SCFD2: variants seen among roughly 807,000 people sequenced by gnomAD.
SCFD2 encodes the protein sec1 family domain containing 2, also known as sec1 family domain-containing protein 2.
A neutral mutation model predicts 58.9 loss-of-function variants in SCFD2; 54 were observed. The ratio of observed to expected loss-of-function variants is 0.92; its 90% CI spans 0.74 to 1.15. SCFD2 has a LOEUF of 1.15. SCFD2 is among the 50% of genes most tolerant of loss of function. SCFD2 has a pLI of 0.00. For synonymous variants in SCFD2, 321 were observed against 335.9 expected (o/e 0.96, Z 0.49); for missense variants, 805 against 836.6 (o/e 0.96, Z 0.47).
At chr4:53,316,177 T>A (rs1560443701) in intron 2 of SCFD2, among the ~76,000 whole-genome samples, 1 of 152,244 alleles carries the variant, frequency 6.6e-6, no homozygotes, top group Non-Finnish European at 1.5e-5. Flanking sequence ...TTTACTGTTC[T>A]ACATAATTCT....
intron 4 of SCFD2, among the ~76,000 whole-genome samples, chr4:53,230,245 C>G (rs945360803): frequency 3.3e-5 from 5 of 152,104 alleles, no homozygotes; most frequent in African/African-American, 1.2e-4. Context: ...CTAGAAATAC[C>G]ATTTGACCTA....
chr4:53,340,708 C>A (rs543599354), intron 2 of SCFD2, among the ~76,000 whole-genome samples: 1 of 152,308 alleles, frequency 6.6e-6, no homozygotes, highest in South Asian at 2.1e-4. Flanking sequence ...TGAGGCAATT[C>A]CCAATAGGGG....
intron 4 of SCFD2, among the ~76,000 whole-genome samples, chr4:53,203,116 G>A (rs1728301613): frequency 6.6e-6 from 1 of 152,162 alleles, no homozygotes; most frequent in African/African-American, 2.4e-5. Context: ...GTTTTCAAAG[G>A]GAATGCTTCC....
At chr4:53,170,882 C>A (rs1727159351) in intron 4 of SCFD2, among the ~76,000 whole-genome samples, 1 of 152,080 alleles carries the variant, frequency 6.6e-6, no homozygotes, top group African/African-American at 2.4e-5. Flanking sequence ...GATTTTGTAA[C>A]CTGCAACTTT....
chr4:53,224,223 T>G (rs1170086058), intron 4 of SCFD2, among the ~76,000 whole-genome samples: 1 of 151,980 alleles, frequency 6.6e-6, no homozygotes, highest in Admixed American at 6.5e-5. Context: ...ACCCCATGTC[T>G]ACTAAAAATA....
intron 3 of SCFD2, among the ~76,000 whole-genome samples, chr4:53,277,046 G>A (rs577122080): frequency 2.6e-5 from 4 of 152,204 alleles, no homozygotes; most frequent in Non-Finnish European, 4.4e-5. Context: ...AGTTGTGAGT[G>A]TCATTCACTT....
At chr4:52,926,897 T>G (rs546940170) in intron 5 of SCFD2, among the ~76,000 whole-genome samples, 49 of 152,238 alleles carry the variant, frequency 3.2e-4, no homozygotes, top group South Asian at 6.2e-4. Flanking sequence ...TTCAAATGAT[T>G]GTTTTTAAAA....
chr4:53,335,940 T>C (rs1243971958), intron 2 of SCFD2, among the ~76,000 whole-genome samples: 3 of 152,182 alleles, frequency 2.0e-5, no homozygotes, highest in Non-Finnish European at 4.4e-5. Flanking sequence ...AAAAATGCTC[T>C]GAGTAATCTC....
intron 5 of SCFD2, among the ~76,000 whole-genome samples, chr4:52,992,415 A>G (rs2148795303): frequency 6.6e-6 from 1 of 152,292 alleles, no homozygotes; most frequent in Non-Finnish European, 1.5e-5. Context: ...GGCCTCCCAA[A>G]GTGCCGAGAT....
intron 5 of SCFD2, among the ~76,000 whole-genome samples, chr4:53,129,375 G>A (rs534376711): frequency 6.6e-6 from 1 of 152,332 alleles, no homozygotes; most frequent in South Asian, 2.1e-4. Context: ...AGCAACACAT[G>A]AAGGCCTAAA....
At chr4:53,255,336 T>G (rs1010571117) in intron 4 of SCFD2, among the ~76,000 whole-genome samples, 2 of 151,988 alleles carry the variant, frequency 1.3e-5, no homozygotes, top group African/African-American at 4.8e-5. Flanking sequence ...GGTCTCTGGT[T>G]TTCCTAGGCA....
chr4:53,113,272 G>A (rs1389938449), intron 5 of SCFD2, among the ~76,000 whole-genome samples: 1 of 152,050 alleles, frequency 6.6e-6, no homozygotes, highest in Non-Finnish European at 1.5e-5. Flanking sequence ...GCCCCTGTAA[G>A]TTAGGAAGGA....
chr4:52,973,608 C>T (rs1398695523), intron 5 of SCFD2, among the ~76,000 whole-genome samples: 6 of 152,178 alleles, frequency 3.9e-5, no homozygotes, highest in African/African-American at 1.4e-4. Flanking sequence ...GAGCTGGTAC[C>T]ATTCCTTCTG....
intron 4 of SCFD2, among the ~76,000 whole-genome samples, chr4:53,263,205 C>T (rs746147786): frequency 6.6e-6 from 1 of 152,046 alleles, no homozygotes; most frequent in Non-Finnish European, 1.5e-5. Flanking sequence ...CTTTCTCTGG[C>T]GTCTCCTTGA....
chr4:53,035,950 A>G (rs571416086), intron 5 of SCFD2, among the ~76,000 whole-genome samples: 1 of 152,140 alleles, frequency 6.6e-6, no homozygotes, highest in Non-Finnish European at 1.5e-5. Context: ...TAGAAATACC[A>G]TTGACCCAGC....
At chr4:53,044,950 G>A in intron 5 of SCFD2, among the ~76,000 whole-genome samples, 1 of 140,058 alleles carries the variant, frequency 7.1e-6, no homozygotes. Flanking sequence ...AGTCTGGGGT[G>A]AGCCGTGGTA....
chr4:52,917,415 T>C (rs1478889621), intron 6 of SCFD2, among the ~76,000 whole-genome samples: 1 of 152,168 alleles, frequency 6.6e-6, no homozygotes, highest in East Asian at 1.9e-4. Flanking sequence ...TCCTCTGTGC[T>C]AAGTTCTCTC....
intron 4 of SCFD2, among the ~76,000 whole-genome samples, chr4:53,201,941 G>A (rs1172214781): frequency 2.6e-5 from 4 of 152,238 alleles, no homozygotes; most frequent in South Asian, 2.1e-4. Flanking sequence ...TGTCAGATGA[G>A]TAGGTTGCAA....
intron 4 of SCFD2, among the ~76,000 whole-genome samples, chr4:53,236,399 T>C (rs1220219901): frequency 6.6e-6 from 1 of 151,056 alleles, no homozygotes; most frequent in Non-Finnish European, 1.5e-5. Flanking sequence ...TAAGTGTGTG[T>C]GTATATATAT....
Sources: allele counts gnomAD v4.1 joint callset (sites outside exome capture counted in the v4.1 genomes callset), GRCh38; gene constraint gnomAD v4.1.1; transcripts MANE v1.5; gene names NCBI Gene and HGNC (gene_info 2026-07-23, HGNC 2026-07-21).